ROMO1: variants seen among roughly 807,000 people sequenced by gnomAD.
The protein encoded by ROMO1 is reactive oxygen species modulator 1.
Under a neutral mutation model 7.4 loss-of-function variants are expected in ROMO1, and 8 were observed. That is an observed-to-expected ratio of 1.08 (90% confidence interval 0.63 to 1.95). The LOEUF is 1.95. Ranked by LOEUF, ROMO1 falls within the 30% of genes most tolerant of loss-of-function variation. The probability of loss-of-function intolerance (pLI) is 0.00; values close to 1 mark genes in which losing one functional copy is unlikely to be tolerated. For synonymous variants in ROMO1, 43 were observed against 41.4 expected, an observed-to-expected ratio of 1.04 and a Z score of -0.15; for missense variants, 91 against 115.9, an observed-to-expected ratio of 0.79 and a Z score of 0.99.
rs1178831338 is a variant in ROMO1, at chr20:35,699,619, C to A, written c.1-14C>A. 6.8e-6 allele frequency: 11 copies of A among 1,611,800 alleles called. No homozygotes were observed. The highest frequency in any genetic ancestry group is 7.6e-6 in the Non-Finnish European group (9 of 1,179,948). Reference sequence around the variant, plus strand: ...GGGCCAGCGCCTGGGCCCACACTTTCCTATCCCCCGCAGATGCCGGTGGCC... The same window carrying A: ...GGGCCAGCGCCTGGGCCCACACTTTACTATCCCCCGCAGATGCCGGTGGCC... On this transcript the variant is annotated splice_polypyrimidine_tract_variant and intron_variant, in intron 1 of 2. Coordinates refer to ENST00000374077, the MANE Select transcript of ROMO1 (RefSeq NM_080748.3). The surrounding 1 kb of genome is among the most constrained non-coding windows in gnomAD (Gnocchi z 4.4).
chr20:35,700,050 A>G (rs973997338), intron 2 of ROMO1, among the ~76,000 whole-genome samples: 1 of 152,210 alleles, frequency 6.6e-6, no homozygotes, highest in African/African-American at 2.4e-5. Context: ...TGAAGACAGT[A>G]GCATCTAACT....
In ROMO1 at chr20:35,699,639, G is replaced by A; in HGVS notation, c.7G>A (p.Val3Met). 6.2e-7 allele frequency: 1 copy of A among 1,613,118 alleles called. No individual in the cohort carries two copies. The highest frequency in any genetic ancestry group is 8.5e-7 in the Non-Finnish European group (1 of 1,179,976). The change falls in exon 2 of 3, where the codon GTG (valine) becomes ATG (methionine). Residue 3 changes from valine (V) to methionine (M), a missense_variant. Transcript: ENST00000374077. The surrounding 1 kb of genome is among the most constrained non-coding windows in gnomAD (Gnocchi z 4.4). MPVAVGPYGQSQP... is the reference protein window; with the variant it reads MPMAVGPYGQSQP... Reference sequence around the variant, plus strand: ...ACTTTCCTATCCCCCGCAGATGCCGGTGGCCGTGGGTCCCTACGGACAGTC... The same window carrying A: ...ACTTTCCTATCCCCCGCAGATGCCGATGGCCGTGGGTCCCTACGGACAGTC...
At position 35,700,876 on chromosome 20, in the gene ROMO1, C is replaced by T. The variant is rs1196209777; in HGVS notation, c.210C>T (p.Phe70=). ...AGAGTGGCGGCACCTTTGGCACATT[C>T]ATGGCCATTGGGATGGGCATCCGAT... The part of the protein sequence containing the change: ...MMQSGGTFGT[F]MAIGMGIRC Residue 70 remains phenylalanine, a synonymous_variant, in exon 3 of 3, where the codon TTC becomes TTT. Transcript: ENST00000374077. 1.2e-6 allele frequency: 2 copies of T among 1,614,022 alleles called. No homozygotes were observed. The highest frequency in any genetic ancestry group is 2.2e-5 in the South Asian group (2 of 91,084).
In ROMO1 at chr20:35,699,848, T is replaced by A; in HGVS notation, c.131+85T>A. 6.7e-7 allele frequency: 1 copy of A among 1,485,348 alleles called. No individual in the cohort carries two copies. The highest frequency in any genetic ancestry group is 9.0e-7 in the Non-Finnish European group (1 of 1,114,978). 92.0% of individuals were successfully genotyped at this position (1,485,348 alleles called of 1,614,324 possible). A position where few individuals can be genotyped will look rare whatever the true frequency, so the allele number is the denominator to read the frequency against. On this transcript the variant is annotated intron_variant, in intron 2 of 2. Coordinates refer to ENST00000374077, the MANE Select transcript of ROMO1 (RefSeq NM_080748.3). The surrounding 1 kb of genome is among the most constrained non-coding windows in gnomAD (Gnocchi z 4.4). The stretch of plus-strand genomic sequence containing the variant: ...TTCGGCCTGGAGCCTGAACACAGCC[T>A]CCTTCTTTCGACTTCCCTCTCTGTC...
At chr20:35,700,470 C>T (rs1265324675) in intron 2 of ROMO1, among the ~76,000 whole-genome samples, 3 of 145,978 alleles carry the variant, frequency 2.1e-5, no homozygotes, top group African/African-American at 8.4e-5. Context: ...CACCAAGAAA[C>T]TAAAAGACAG....
chr20:35,699,786 T>G lies in ROMO1; in HGVS notation c.131+23T>G, dbSNP rs2035219732. On this transcript the variant is annotated intron_variant, in intron 2 of 2. Transcript: ENST00000374077. This position sits in a 1 kb window ranked among gnomAD's most constrained non-coding sequence, Gnocchi z 4.4. ...CAGGTGAGGGGCGCGGGCGGTGATC[T>G]CTGGGCAGGACAACCAGACCTTCCG... The G allele has an allele frequency of 5.0e-6, 8 of 1,598,192 alleles. No homozygotes were observed. The highest frequency in any genetic ancestry group is 6.8e-6 in the Non-Finnish European group (8 of 1,176,328).
In ROMO1 at chr20:35,699,864, CCTCT is replaced by C; in HGVS notation, c.131+104_131+107del. 1 of 1,426,218 alleles carries C rather than the reference CCTCT, an allele frequency of 7.0e-7. No individual in the cohort carries two copies. The highest frequency in any genetic ancestry group is 2.4e-5 in the East Asian group (1 of 41,174). The allele number at this position is 1,426,218 out of a possible 1,614,324, so 88.3% of individuals were successfully genotyped here. On this transcript the variant is annotated intron_variant, in intron 2 of 2. Transcript: ENST00000374077. This position sits in a 1 kb window ranked among gnomAD's most constrained non-coding sequence, Gnocchi z 4.4. The stretch of plus-strand genomic sequence containing the variant: ...AACACAGCCTCCTTCTTTCGACTTC[CCTCT>C]CTGTCCCCTCGCGAGCCAGACTCAT...
chr20:35,700,746 C>T (rs757301321), intron 2 of ROMO1, 52 bp from the exon 3 acceptor site: 3 of 1,497,792 alleles, frequency 2.0e-6, no homozygotes, highest in East Asian at 2.3e-5. Flanking sequence ...GCAGTTAATA[C>T]TCTTTCTGAT....
At position 35,699,701 on chromosome 20, in the gene ROMO1, C is replaced by T. The variant is rs1382545614; in HGVS notation, c.69C>T (p.Phe23=). Reference sequence around the variant, plus strand: ...GCTTCGACCGTGTCAAAATGGGCTTCGTGATGGGTTGCGCCGTGGGCATGG... The same window carrying T: ...GCTTCGACCGTGTCAAAATGGGCTTTGTGATGGGTTGCGCCGTGGGCATGG... The part of the protein sequence containing the change: ...PSCFDRVKMG[F]VMGCAVGMAA... Residue 23 remains phenylalanine, a synonymous_variant, in exon 2 of 3, where the codon TTC becomes TTT. Coordinates refer to ENST00000374077, the MANE Select transcript of ROMO1 (RefSeq NM_080748.3). This position sits in a 1 kb window ranked among gnomAD's most constrained non-coding sequence, Gnocchi z 4.4. 1 of 1,613,650 alleles carries T rather than the reference C, an allele frequency of 6.2e-7. No individual in the cohort carries two copies. Among genetic ancestry groups the T allele is most frequent in the Non-Finnish European group, 8.5e-7 (1 of 1,180,006 alleles).
Position 35,699,711 on chromosome 20 carries a change from T to A in ROMO1, c.79T>A (p.Cys27Ser). The A allele has an allele frequency of 6.2e-7, 1 of 1,613,498 alleles. No individual in the cohort carries two copies. Among genetic ancestry groups the A allele is most frequent in the Non-Finnish European group, 8.5e-7 (1 of 1,179,982 alleles). The stretch of plus-strand genomic sequence containing the variant: ...TGTCAAAATGGGCTTCGTGATGGGT[T>A]GCGCCGTGGGCATGGCGGCCGGGGC... The part of the protein sequence containing the change: ...DRVKMGFVMG[C>S]AVGMAAGALF... Residue 27 changes from cysteine to serine, a missense_variant, in exon 2 of 3, where the codon TGC becomes AGC. Cys to Ser is a moderately radical substitution (Grantham distance 112). Transcript: ENST00000374077. The surrounding 1 kb of genome is among the most constrained non-coding windows in gnomAD (Gnocchi z 4.4).
In ROMO1 at chr20:35,699,597, C is replaced by G. The variant is rs2035214745; in HGVS notation, c.1-36C>G. On this transcript the variant is annotated intron_variant, in intron 1 of 2. Transcript: ENST00000374077. This position sits in a 1 kb window ranked among gnomAD's most constrained non-coding sequence, Gnocchi z 4.4. Reference sequence around the variant, plus strand: ...CTTCCGTCCCCGCCCGACTCTTGGGCCAGCGCCTGGGCCCACACTTTCCTA... The same window carrying G: ...CTTCCGTCCCCGCCCGACTCTTGGGGCAGCGCCTGGGCCCACACTTTCCTA... 6.2e-7 allele frequency: 1 copy of G among 1,608,018 alleles called. No homozygotes were observed. Among genetic ancestry groups the G allele is most frequent in the African/African-American group, 1.3e-5 (1 of 74,844 alleles).
chr20:35,699,553 C>T lies in ROMO1; in HGVS notation c.1-80C>T. 3.2e-6 allele frequency: 5 copies of T among 1,581,868 alleles called. No individual in the cohort carries two copies. The highest frequency in any genetic ancestry group is 4.3e-6 in the Non-Finnish European group (5 of 1,165,788). On this transcript the variant is annotated intron_variant, in intron 1 of 2. Transcript: ENST00000374077. The surrounding 1 kb of genome is among the most constrained non-coding windows in gnomAD (Gnocchi z 4.4). ...CCCTTACTTCCCCTGAGCCCTTGGG[C>T]CCACTTCCCAGCCTACCGCTTCCGT...
Position 35,699,521 on chromosome 20 carries a change from T to C in ROMO1, c.-1+65T>C, listed in dbSNP as rs1170420933. 1 of 1,476,578 alleles carries C rather than the reference T, an allele frequency of 6.8e-7. No homozygotes were observed. The highest frequency in any genetic ancestry group is 2.3e-5 in the East Asian group (1 of 43,490). The allele number at this position is 1,476,578 out of a possible 1,614,324, so 91.5% of individuals were successfully genotyped here. A position where few individuals can be genotyped will look rare whatever the true frequency, so the allele number is the denominator to read the frequency against. ...TGGTGGAGTCGGGCTACCCACTGAT[T>C]TTCCTTCCCTTACTTCCCCTGAGCC... On this transcript the variant is annotated intron_variant, in intron 1 of 2. Coordinates refer to ENST00000374077, the MANE Select transcript of ROMO1 (RefSeq NM_080748.3). This position sits in a 1 kb window ranked among gnomAD's most constrained non-coding sequence, Gnocchi z 4.4.
chr20:35,699,420 C>T lies in ROMO1; in HGVS notation c.-37C>T. The T allele has an allele frequency of 8.3e-7, 1 of 1,207,746 alleles. No individual in the cohort carries two copies. The highest frequency in any genetic ancestry group is 3.0e-5 in the Admixed American group (1 of 33,762). 74.8% of individuals were successfully genotyped at this position (1,207,746 alleles called of 1,614,324 possible). A position where few individuals can be genotyped will look rare whatever the true frequency, so the allele number is the denominator to read the frequency against. ...CCTCCCCGTCGTTTTCCGTGAGAGA[C>T]GTAGAGCTGAGCGACCCAGCCCGCG... On this transcript the variant is annotated 5_prime_UTR_variant, in exon 1 of 3. It adds an upstream start codon to the 5' untranslated region. Coordinates refer to ENST00000374077, the MANE Select transcript of ROMO1 (RefSeq NM_080748.3). The surrounding 1 kb of genome is among the most constrained non-coding windows in gnomAD (Gnocchi z 4.4).
In ROMO1 at chr20:35,699,550, G is replaced by A; in HGVS notation, c.1-83G>A. On this transcript the variant is annotated intron_variant, in intron 1 of 2. Coordinates refer to ENST00000374077, the MANE Select transcript of ROMO1 (RefSeq NM_080748.3). This position sits in a 1 kb window ranked among gnomAD's most constrained non-coding sequence, Gnocchi z 4.4. ...CTTCCCTTACTTCCCCTGAGCCCTT[G>A]GGCCCACTTCCCAGCCTACCGCTTC... 1 of 1,575,596 alleles carries A rather than the reference G, an allele frequency of 6.3e-7. No homozygotes were observed. Among genetic ancestry groups the A allele is most frequent in the Non-Finnish European group, 8.6e-7 (1 of 1,160,764 alleles).
rs762466517 is a variant in ROMO1 at position 35,700,798 on chromosome 20, G to A, written c.132G>A (p.Arg44=). Residue 44 remains arginine (R), a splice_region_variant and synonymous_variant, in exon 3 of 3, where the codon AGG becomes AGA. Coordinates refer to ENST00000374077, the MANE Select transcript of ROMO1 (RefSeq NM_080748.3). ...AGCTCCATCTTGGTTTCCTCCTCAG[G>A]ATCGGAATGCGGGGTCGAGAGCTGA... ...GALFGTFSCL[R]IGMRGRELMG... The A allele has an allele frequency of 3.7e-6, 6 of 1,613,786 alleles. No homozygotes were observed. The highest frequency in any genetic ancestry group is 1.7e-6 in the Non-Finnish European group (2 of 1,179,828).
chr20:35,699,645 G>A lies in ROMO1; in HGVS notation c.13G>A (p.Val5Met), dbSNP rs758043684. Residue 5 changes from valine to methionine, a missense_variant, in exon 2 of 3, where the codon GTG (valine) becomes ATG (methionine). Val to Met is a conservative substitution (Grantham distance 21, BLOSUM62 1). Transcript: ENST00000374077. The surrounding 1 kb of genome is among the most constrained non-coding windows in gnomAD (Gnocchi z 4.4). ...CTATCCCCCGCAGATGCCGGTGGCCGTGGGTCCCTACGGACAGTCCCAGCC... is the reference window on the plus strand; with the variant it reads ...CTATCCCCCGCAGATGCCGGTGGCCATGGGTCCCTACGGACAGTCCCAGCC... MPVA[V>M]GPYGQSQPSC... is the part of the protein sequence containing the mutation. The A allele has an allele frequency of 2.7e-5, 43 of 1,613,164 alleles. No homozygotes were observed. Among genetic ancestry groups the A allele is most frequent in the Non-Finnish European group, 3.6e-5 (42 of 1,179,992 alleles).
rs753727452 is a variant in ROMO1, at chr20:35,700,829, G to A, written c.163G>A (p.Gly55Ser). 7.4e-6 allele frequency: 12 copies of A among 1,614,014 alleles called. No individual in the cohort carries two copies. Among genetic ancestry groups the A allele is most frequent in the East Asian group, 4.5e-5 (2 of 44,902 alleles). The change falls in exon 3 of 3, where the codon GGC becomes AGC. Residue 55 changes from glycine to serine, a missense_variant. Transcript: ENST00000374077. ...AATGCGGGGTCGAGAGCTGATGGGC[G>A]GCATTGGGAAAACCATGATGCAGAG... ...IGMRGRELMG[G>S]IGKTMMQSGG...
At position 35,700,953 on chromosome 20, in the gene ROMO1, T is replaced by C. The variant is rs370066889; in HGVS notation, c.*47T>C. 159 of 1,336,408 alleles carry C rather than the reference T, an allele frequency of 1.2e-4. 1 individual carries two copies. Among genetic ancestry groups the C allele is most frequent in the South Asian group, 9.6e-4 (82 of 85,360 alleles). 82.8% of individuals were successfully genotyped at this position (1,336,408 alleles called of 1,614,324 possible). A position where few individuals can be genotyped will look rare whatever the true frequency, so the allele number is the denominator to read the frequency against. On this transcript the variant is annotated 3_prime_UTR_variant, in exon 3 of 3. Coordinates refer to ENST00000374077, the MANE Select transcript of ROMO1 (RefSeq NM_080748.3). ...GTCCCTTCCCATCAATCCCAGCCCA[T>C]GTACTAATAAAAGAAAGTCTTTGAG...
Sources: gnomAD v4.1 joint callset for allele counts (sites outside exome capture counted in the v4.1 genomes callset) on GRCh38, gnomAD v4.1.1 for gene constraint, Gnocchi (gnomAD v3.1) non-coding constraint, MANE v1.5 for transcripts, NCBI Gene and HGNC (gene_info 2026-07-23, HGNC 2026-07-21) for gene names.